RAPGEF6: variants seen among roughly 807,000 people sequenced by gnomAD.
The protein encoded by RAPGEF6 is Rap guanine nucleotide exchange factor 6, also known as PDZ domain containing guanine nucleotide exchange factor (GEF) 2.
RAPGEF6 carries 56 observed loss-of-function variants against 171.4 expected under a neutral mutation model. The observed-to-expected ratio is 0.33, with a 90% CI of 0.26 to 0.41. The LOEUF (loss-of-function observed/expected upper bound fraction) is 0.41. Ranked by LOEUF, RAPGEF6 falls within the 10% of genes least tolerant of loss-of-function variation. RAPGEF6 has a pLI of 1.00. For missense variants in RAPGEF6, 1,674 were observed against 1,921.4 expected, an observed-to-expected ratio of 0.87 and a Z score of 2.41; for synonymous variants, 692 against 650.1, an observed-to-expected ratio of 1.06 and a Z score of -0.98.
intron 7 of RAPGEF6, among the ~76,000 whole-genome samples, chr5:131,515,143 A>C (rs1757990983): frequency 6.6e-6 from 1 of 152,216 alleles, no homozygotes; most frequent in South Asian, 2.1e-4. Flanking sequence ...GTTGGAACTA[A>C]GAGTTATACA....
intron 17 of RAPGEF6, among the ~76,000 whole-genome samples, chr5:131,466,352 T>C (rs1046758472): frequency 6.6e-6 from 1 of 151,904 alleles, no homozygotes. Flanking sequence ...GAGCCAATAC[T>C]TAGTGGGCTG....
At chr5:131,465,448 T>C (rs1431856798) in intron 17 of RAPGEF6, among the ~76,000 whole-genome samples, 2 of 152,162 alleles carry the variant, frequency 1.3e-5, no homozygotes, top group African/African-American at 2.4e-5. Context: ...AAATTTTCCC[T>C]ATGACAATAA....
intron 1 of RAPGEF6, among the ~76,000 whole-genome samples, chr5:131,622,022 G>T (rs1765622270): frequency 6.6e-6 from 1 of 151,998 alleles, no homozygotes. Context: ...TTTTATCCCT[G>T]GCACATGAAA....
chr5:131,547,138 G>A (rs1760600460), intron 6 of RAPGEF6, among the ~76,000 whole-genome samples: 1 of 152,112 alleles, frequency 6.6e-6, no homozygotes, highest in Admixed American at 6.5e-5. Context: ...CATTAGAGCT[G>A]CCTTAATTCT....
intron 4 of RAPGEF6, among the ~76,000 whole-genome samples, chr5:131,567,939 A>G (rs1762048507): frequency 6.6e-6 from 1 of 152,202 alleles, no homozygotes; most frequent in Admixed American, 6.5e-5. Context: ...TAACACTACG[A>G]AATTTTGCTT....
intron 5 of RAPGEF6, among the ~76,000 whole-genome samples, chr5:131,560,509 A>G (rs1761529809): frequency 6.6e-6 from 1 of 152,040 alleles, no homozygotes; most frequent in South Asian, 2.1e-4. Context: ...TGAGAAATAC[A>G]AAATACAACT....
intron 21 of RAPGEF6, among the ~76,000 whole-genome samples, chr5:131,452,762 G>A (rs760397435): frequency 9.9e-5 from 15 of 151,628 alleles, no homozygotes; most frequent in Non-Finnish European, 1.8e-4. Context: ...CACTGCGCCC[G>A]GCCTGCTGAT....
intron 6 of RAPGEF6, among the ~76,000 whole-genome samples, chr5:131,523,826 A>AACAC (rs1239897480): frequency 1.3e-5 from 2 of 151,354 alleles, no homozygotes; most frequent in African/African-American, 4.9e-5. Context: ...CCCACCCCAA[A>AACAC]ACAAACAATC....
At position 131,462,213 on chromosome 5, in the gene RAPGEF6, A is replaced by G. The variant is rs759801989; in HGVS notation, c.2481-125T>C. On this transcript the variant is annotated intron_variant, in intron 18 of 27. Coordinates refer to ENST00000509018, the MANE Select transcript of RAPGEF6 (RefSeq NM_016340.6). ...AACTTTTAGCCAAAAATATTAATTT[A>G]CAGATAAAATGAAAAGTTAACATTT... 363 of 842,044 alleles carry G rather than the reference A, an allele frequency of 4.3e-4. 1 individual carries two copies. Among genetic ancestry groups the G allele is most frequent in the Middle Eastern group, 3.2e-3 (8 of 2,514 alleles). The allele number at this position is 842,044 out of a possible 1,614,324, so 52.2% of individuals were successfully genotyped here. A position where few individuals can be genotyped will look rare whatever the true frequency, so the allele number is the denominator to read the frequency against.
At chr5:131,576,022 C>A (rs1345214667) in intron 4 of RAPGEF6, among the ~76,000 whole-genome samples, 1 of 152,194 alleles carries the variant, frequency 6.6e-6, no homozygotes, top group Non-Finnish European at 1.5e-5. Flanking sequence ...TGCCCGACTC[C>A]TTCAACCGTA....
At chr5:131,556,259 G>GTGAA (rs1214435014) in intron 5 of RAPGEF6, among the ~76,000 whole-genome samples, 2 of 152,122 alleles carry the variant, frequency 1.3e-5, no homozygotes, top group Non-Finnish European at 2.9e-5. Flanking sequence ...GACCAACATG[G>GTGAA]TGAAACTCAT....
rs759131340 is a variant in RAPGEF6, at chr5:131,635,179, C to G, written c.-149G>C. On this transcript the variant is annotated 5_prime_UTR_variant, in exon 1 of 28. Transcript: ENST00000509018. ...CCGAACTCTAGCAAACAACCCTTCG[C>G]AACGCCCGCCTAAGGCCTCTACCCA... is the stretch of plus-strand genomic sequence containing the variant. The G allele has an allele frequency of 3.8e-6, 3 of 789,450 alleles. No homozygotes were observed. The highest frequency in any genetic ancestry group is 5.8e-6 in the Non-Finnish European group (3 of 514,944). 48.9% of individuals were successfully genotyped at this position (789,450 alleles called of 1,614,324 possible).
chr5:131,625,107 CA>C (rs1345509190), intron 1 of RAPGEF6, among the ~76,000 whole-genome samples: 1 of 152,018 alleles, frequency 6.6e-6, no homozygotes, highest in Non-Finnish European at 1.5e-5. Context: ...ACTAAAAATA[CA>C]AAAATCAGCC....
intron 6 of RAPGEF6, among the ~76,000 whole-genome samples, chr5:131,521,887 A>ACACT (rs1758511640): frequency 7.6e-6 from 1 of 130,754 alleles, no homozygotes; most frequent in African/African-American, 2.9e-5. Context: ...ACACACACAC[A>ACACT]CACACTCTCT....
At chr5:131,502,020 C>T (rs1479340456) in intron 11 of RAPGEF6, among the ~76,000 whole-genome samples, 6 of 152,108 alleles carry the variant, frequency 3.9e-5, no homozygotes, top group Non-Finnish European at 5.9e-5. Flanking sequence ...GTTAAGTTCA[C>T]GATGAGCCTT....
intron 15 of RAPGEF6, among the ~76,000 whole-genome samples, chr5:131,484,457 T>A (rs564625297): frequency 6.6e-6 from 1 of 152,116 alleles, no homozygotes; most frequent in Admixed American, 6.5e-5. Flanking sequence ...CCTCATGATC[T>A]GCCTGCCTGG....
chr5:131,469,896 C>G, intron 17 of RAPGEF6: 4 of 1,078,260 alleles, frequency 3.7e-6, no homozygotes, highest in Non-Finnish European at 5.3e-6. Flanking sequence ...CCCCCACTTT[C>G]ATTTTGATCT....
At position 131,580,108 on chromosome 5, in the gene RAPGEF6, C is replaced by T. The variant is rs986680616; in HGVS notation, c.281+12275G>A. On this transcript the variant is annotated intron_variant, in intron 4 of 27. Coordinates refer to ENST00000509018, the MANE Select transcript of RAPGEF6 (RefSeq NM_016340.6). ...GGGGGTGGCACCCATTGGGGAGGCT[C>T]GGGCCGCGTGGGAGCCCACTGTGGG... Among the ~76,000 whole-genome samples, 8 of 122,562 alleles carry T rather than the reference C, an allele frequency of 6.5e-5. No homozygotes were observed. The East Asian group carries it at 1.3e-3, about 19-fold the overall frequency. 80.4% of individuals were successfully genotyped at this position (122,562 alleles called of 152,430 possible). A position where few individuals can be genotyped will look rare whatever the true frequency, so the allele number is the denominator to read the frequency against.
intron 6 of RAPGEF6, among the ~76,000 whole-genome samples, chr5:131,535,051 T>C (rs1443261441): frequency 1.3e-5 from 2 of 152,158 alleles, no homozygotes; most frequent in Non-Finnish European, 2.9e-5. Context: ...AATCCACTAG[T>C]GCCATATGTT....
Sources: gnomAD v4.1 joint callset for allele counts (sites outside exome capture counted in the v4.1 genomes callset) on GRCh38, gnomAD v4.1.1 for gene constraint, MANE v1.5 for transcripts, NCBI Gene and HGNC (gene_info 2026-07-23, HGNC 2026-07-21) for gene names.